TICRR: variants seen among roughly 807,000 people sequenced by gnomAD.
TICRR encodes treslin.
Under a neutral mutation model 178.1 loss-of-function variants are expected in TICRR, and 132 were observed. The observed-to-expected ratio is 0.74, with a 90% CI of 0.64 to 0.86. TICRR has a LOEUF of 0.86. Among genes scored for constraint, TICRR ranks in the 40% least tolerant of loss-of-function variants. TICRR has a pLI of 0.00. For synonymous variants in TICRR, 991 were observed against 900.7 expected, an observed-to-expected ratio of 1.10 and a Z score of -1.79; for missense variants, 2,587 against 2,334.3, an observed-to-expected ratio of 1.11 and a Z score of -2.23.
Position 89,625,648 on chromosome 15 carries a change from A to AAGGAAGAAGCTGACCGTGG in TICRR, c.5341_5359dup (p.Ala1787GlyfsTer4). Reference sequence around the variant, plus strand: ...TTCCAGGAAGAGAGTCCTGTTGGCCAAGGAAGAAGCTGACCGTGGAGCCAA... The same window carrying AAGGAAGAAGCTGACCGTGG: ...TTCCAGGAAGAGAGTCCTGTTGGCCAAGGAAGAAGCTGACCGTGGAGGAAGAAGCTGACCGTGGAGCCAA... On this transcript the variant is annotated frameshift_variant, in exon 20 of 22. Transcript: ENST00000268138. LOFTEE classifies it high-confidence loss of function. The AAGGAAGAAGCTGACCGTGG allele has an allele frequency of 6.2e-7, 1 of 1,613,718 alleles. No individual in the cohort carries two copies. The highest frequency in any genetic ancestry group is 8.5e-7 in the Non-Finnish European group (1 of 1,180,030).
chr15:89,627,879 C>T lies in TICRR; in HGVS notation c.*793C>T, dbSNP rs1296043493. On this transcript the variant is annotated 3_prime_UTR_variant, in exon 22 of 22. Transcript: ENST00000268138. Reference sequence around the variant, plus strand: ...ACGGTGAGGGCTGACTCTGAACTGTCTCTCAGTCTCCAGAAAGTGTTCAAG... The same window carrying T: ...ACGGTGAGGGCTGACTCTGAACTGTTTCTCAGTCTCCAGAAAGTGTTCAAG... 1 of 139,350 alleles carries T rather than the reference C, an allele frequency of 7.2e-6. No homozygotes were observed. The highest frequency in any genetic ancestry group is 2.5e-5 in the African/African-American group (1 of 40,248). The allele number at this position is 139,350 out of a possible 1,614,324, so 8.6% of individuals were successfully genotyped here. A position where few individuals can be genotyped will look rare whatever the true frequency, so the allele number is the denominator to read the frequency against.
intron 14 of TICRR, among the ~76,000 whole-genome samples, 186 bp from the exon 15 acceptor site, chr15:89,608,617 A>G (rs1963207928): frequency 6.6e-6 from 1 of 152,230 alleles, no homozygotes. Context: ...TTAATTTGCA[A>G]AAGTAAATAT....
Position 89,606,845 on chromosome 15 carries a change from T to C in TICRR, c.2722+20T>C, listed in dbSNP as rs751383450. 30 of 1,603,728 alleles carry C rather than the reference T, an allele frequency of 1.9e-5. No individual in the cohort carries two copies. Among genetic ancestry groups the C allele is most frequent in the Non-Finnish European group, 1.7e-6 (2 of 1,171,064 alleles). On this transcript the variant is annotated intron_variant, in intron 14 of 21. Transcript: ENST00000268138. Reference sequence around the variant, plus strand: ...TGCAAGGTATACTGTTTTCTCAGTGTATGTATTTATTCACTAGCATGACAA... The same window carrying C: ...TGCAAGGTATACTGTTTTCTCAGTGCATGTATTTATTCACTAGCATGACAA...
At position 89,621,966 on chromosome 15, in the gene TICRR, T is replaced by G. The variant is rs189495799; in HGVS notation, c.3312+416T>G. 1.7e-4 allele frequency among the ~76,000 whole-genome samples: 25 copies of G among 151,334 alleles called. No individual in the cohort carries two copies. In the East Asian group the frequency reaches 4.5e-3, roughly 27 times the overall value. Reference sequence around the variant, plus strand: ...CCAATCAGTCGAGTCCTGCCCATTTTATTTACAAACTGACTCTTTTTTTTT... The same window carrying G: ...CCAATCAGTCGAGTCCTGCCCATTTGATTTACAAACTGACTCTTTTTTTTT... On this transcript the variant is annotated intron_variant, in intron 19 of 21. Transcript: ENST00000268138.
At chr15:89,619,218 C>CTTT (rs1444853735) in intron 17 of TICRR, among the ~76,000 whole-genome samples, 1 of 91,870 alleles carries the variant, frequency 1.1e-5, no homozygotes, top group African/African-American at 4.3e-5. Context: ...CTACACCATT[C>CTTT]TTCTTTTTTT....
rs1454294353 is a variant in TICRR at position 89,628,020 on chromosome 15, TAA to T, written c.*936_*937del. 3 of 170,372 alleles carry T rather than the reference TAA, an allele frequency of 1.8e-5. No individual in the cohort carries two copies. The highest frequency in any genetic ancestry group is 3.7e-5 in the Non-Finnish European group (3 of 80,862). The allele number at this position is 170,372 out of a possible 1,614,324, so 10.6% of individuals were successfully genotyped here. A position where few individuals can be genotyped will look rare whatever the true frequency, so the allele number is the denominator to read the frequency against. On this transcript the variant is annotated 3_prime_UTR_variant, in exon 22 of 22. Transcript: ENST00000268138. ...TTTATTAAATGGTTTTTTAAGATCC[TAA>T]AGTCTCCCAGTTTCCCCTATATACA...
intron 4 of TICRR, 29 bp from the exon 5 acceptor site, chr15:89,592,018 C>T: frequency 6.3e-7 from 1 of 1,591,216 alleles, no homozygotes; most frequent in Middle Eastern, 1.7e-4. Context: ...GCTGTTTCCT[C>T]TCCTGCCGCT....
At chr15:89,589,713 G>A (rs1962879376) in intron 4 of TICRR, among the ~76,000 whole-genome samples, 4 of 152,176 alleles carry the variant, frequency 2.6e-5, no homozygotes. Flanking sequence ...CCTGTGATGT[G>A]AAGTTTCTTT....
chr15:89,586,946 T>C (rs1962833631), intron 4 of TICRR, among the ~76,000 whole-genome samples: 1 of 152,214 alleles, frequency 6.6e-6, no homozygotes, highest in South Asian at 2.1e-4. Context: ...ATCTGACTTA[T>C]GTTTTAACAG....
At chr15:89,621,613 G>A (rs1963427079) in intron 19 of TICRR, 63 bp downstream of exon 19, 6 of 1,405,716 alleles carry the variant, frequency 4.3e-6, no homozygotes. Flanking sequence ...CATGGCCAAG[G>A]AACTCAGAGT....
rs1028088323 is a variant in TICRR at position 89,593,988 on chromosome 15, C to A, written c.1542-427C>A. 2.0e-5 allele frequency among the ~76,000 whole-genome samples: 3 copies of A among 152,228 alleles called. No individual in the cohort carries two copies. The South Asian group carries it at 6.2e-4, about 32-fold the overall frequency. On this transcript the variant is annotated intron_variant, in intron 5 of 21. Coordinates refer to ENST00000268138, the MANE Select transcript of TICRR (RefSeq NM_152259.4). Reference sequence around the variant, plus strand: ...TACTTCCTCCTCTTCTCATCAATCCCAAATTAGTTTATTACAATGTGAAAG... The same window carrying A: ...TACTTCCTCCTCTTCTCATCAATCCAAAATTAGTTTATTACAATGTGAAAG...
intron 12 of TICRR, 148 bp from the exon 13 acceptor site, chr15:89,602,648 G>C: frequency 4.8e-6 from 2 of 414,648 alleles, no homozygotes; most frequent in Non-Finnish European, 8.4e-6. Context: ...ATTCTGGGGT[G>C]ACTTGTTTTA....
At chr15:89,587,884 G>A (rs983936511) in intron 4 of TICRR, among the ~76,000 whole-genome samples, 1 of 152,142 alleles carries the variant, frequency 6.6e-6, no homozygotes, top group Non-Finnish European at 1.5e-5. Flanking sequence ...AAGAGTCAAG[G>A]TTTTTGGTTT....
chr15:89,597,916 G>C (rs76381354), intron 7 of TICRR, among the ~76,000 whole-genome samples: 8,352 of 152,128 alleles, frequency 0.055, 726 homozygotes, highest in African/African-American at 0.19. Context: ...ACAGAATTTT[G>C]TAGTTTTCCG....
At chr15:89,584,183 T>C in intron 2 of TICRR, 103 bp from the exon 3 acceptor site, 3 of 1,166,456 alleles carry the variant, frequency 2.6e-6, no homozygotes, top group Admixed American at 2.9e-5. Context: ...TATTTTCTTA[T>C]TGTTATTAAA....
At chr15:89,618,336 A>G (rs1269898756) in intron 17 of TICRR, 126 bp downstream of exon 17, 2 of 819,234 alleles carry the variant, frequency 2.4e-6, no homozygotes, top group Non-Finnish European at 4.2e-6. Context: ...TGAGTCCACA[A>G]TGCAGCTCAG....
At chr15:89,582,494 G>A (rs1037813153) in intron 1 of TICRR, among the ~76,000 whole-genome samples, 192 bp from the exon 2 acceptor site, 1 of 152,066 alleles carries the variant, frequency 6.6e-6, no homozygotes, top group Non-Finnish European at 1.5e-5. Context: ...GGGATATAAG[G>A]TAGTAATTTG....
At chr15:89,577,322 C>G (rs890464708) in intron 1 of TICRR, among the ~76,000 whole-genome samples, 1 of 152,104 alleles carries the variant, frequency 6.6e-6, no homozygotes, top group East Asian at 1.9e-4. Context: ...GGCGGTGAGG[C>G]CCCCTGCTCC....
At chr15:89,605,342 G>A (rs1461905503) in intron 13 of TICRR, among the ~76,000 whole-genome samples, 3 of 152,152 alleles carry the variant, frequency 2.0e-5, no homozygotes, top group East Asian at 3.8e-4. Flanking sequence ...CTGAACCCTG[G>A]ATAGGAAATT....
Sources: allele counts gnomAD v4.1 joint callset (sites outside exome capture counted in the v4.1 genomes callset), GRCh38; gene constraint gnomAD v4.1.1; transcripts MANE v1.5; gene names NCBI Gene and HGNC (gene_info 2026-07-23, HGNC 2026-07-21).